Variants in TENM3 observed in about 807,000 individuals in gnomAD.
TENM3 encodes the protein teneurin transmembrane protein 3, also known as teneurin-3.
A neutral mutation model predicts 255.1 loss-of-function variants in TENM3; 63 were observed. That is an observed-to-expected ratio of 0.25 (90% CI 0.20 to 0.30). The LOEUF is 0.30. Among genes scored for constraint, TENM3 ranks in the 10% least tolerant of loss-of-function variants. TENM3 has a pLI of 1.00. For missense variants in TENM3, 2,929 were observed against 3,461.1 expected, an observed-to-expected ratio of 0.85 and a Z score of 3.86; for synonymous variants, 1,306 against 1,322.3, an observed-to-expected ratio of 0.99 and a Z score of 0.27.
chr4:181,684,354 C>T, the TENM3 span, among the ~76,000 whole-genome samples: 7 of 152,206 alleles, frequency 4.6e-5, no homozygotes, highest in Non-Finnish European at 2.9e-5. Context: ...CTTTCTGCTG[C>T]CTTCCTACTA....
At chr4:181,782,014 G>A in the TENM3 span, among the ~76,000 whole-genome samples, 6 of 152,064 alleles carry the variant, frequency 3.9e-5, no homozygotes, top group South Asian at 4.2e-4. Flanking sequence ...TGCTGGATTC[G>A]GTTTGCCAGT....
intron 26 of TENM3, among the ~76,000 whole-genome samples, chr4:182,796,018 C>T (rs1766474212): frequency 6.6e-6 from 1 of 152,204 alleles, no homozygotes; most frequent in Non-Finnish European, 1.5e-5. Flanking sequence ...CGGGTTCTCT[C>T]CCCAAAAAGT....
chr4:181,884,440 C>T, the TENM3 span, among the ~76,000 whole-genome samples: 1 of 151,936 alleles, frequency 6.6e-6, no homozygotes, highest in East Asian at 1.9e-4. Flanking sequence ...GAAACTGTAC[C>T]CATTAAACAC....
rs921233791 is a variant in TENM3, at chr4:182,743,202, T to C, written c.3412T>C (p.Phe1138Leu). The C allele has an allele frequency of 1.2e-6, 2 of 1,613,648 alleles. No individual in the cohort carries two copies. Among genetic ancestry groups the C allele is most frequent in the Non-Finnish European group, 1.7e-6 (2 of 1,179,584 alleles). Residue 1138 changes from phenylalanine (F) to leucine (L), a missense_variant, in exon 19 of 28, where the codon TTC (phenylalanine) becomes CTC (leucine). Physicochemically the swap from Phe to Leu is conservative, Grantham distance 22 (BLOSUM62 0). This residue lies in a region of TENM3 where 1,608 missense variants were observed against 1,884.4 expected (regional missense o/e 0.85). Transcript: ENST00000511685. ...ILYKGNGENQ[F>L]ISQQPPVVSS... Reference sequence around the variant, plus strand: ...GTACAAGGGAAACGGGGAAAACCAGTTCATCTCCCAGCAGCCTCCAGTCGT... The same window carrying C: ...GTACAAGGGAAACGGGGAAAACCAGCTCATCTCCCAGCAGCCTCCAGTCGT...
intron 1 of TENM3, among the ~76,000 whole-genome samples, chr4:182,176,729 G>A (rs1752510590): frequency 1.3e-5 from 2 of 151,134 alleles, no homozygotes; most frequent in Admixed American, 6.6e-5. Flanking sequence ...GTGCAGTGGC[G>A]TGATCTCGGC....
intron 4 of TENM3, among the ~76,000 whole-genome samples, chr4:182,621,781 AATT>A (rs1750274006): frequency 5.0e-5 from 3 of 59,520 alleles, no homozygotes; most frequent in African/African-American, 2.0e-4. Flanking sequence ...TATTATATAT[AATT>A]ATATATATAA....
intron 12 of TENM3, chr4:182,711,614 C>T (rs946081169): frequency 9.3e-6 from 9 of 971,722 alleles, no homozygotes; most frequent in Admixed American, 1.2e-4. Flanking sequence ...ACTGTATACT[C>T]GCTCTTTGTT....
chr4:181,920,680 G>T, the TENM3 span, among the ~76,000 whole-genome samples: 2 of 151,552 alleles, frequency 1.3e-5, no homozygotes, highest in Admixed American at 1.3e-4. Context: ...CCATTTTGTA[G>T]GTTGCCTGTT....
the TENM3 span, among the ~76,000 whole-genome samples, chr4:181,667,285 T>C: frequency 1.3e-5 from 2 of 152,142 alleles, no homozygotes; most frequent in Non-Finnish European, 2.9e-5. Context: ...CTTCTAATTC[T>C]GTCCCATCCT....
chr4:181,873,480 A>C, the TENM3 span, among the ~76,000 whole-genome samples: 1 of 152,046 alleles, frequency 6.6e-6, no homozygotes, highest in Non-Finnish European at 1.5e-5. Flanking sequence ...ATATTTTCTG[A>C]TTTCTCTTAT....
chr4:181,647,525 T>A, the TENM3 span, among the ~76,000 whole-genome samples: 1 of 152,196 alleles, frequency 6.6e-6, no homozygotes, highest in Admixed American at 6.5e-5. Flanking sequence ...ATCTGTTGTA[T>A]GCTTACACTT....
the TENM3 span, among the ~76,000 whole-genome samples, chr4:182,054,445 T>A: frequency 6.6e-6 from 1 of 152,148 alleles, no homozygotes; most frequent in Non-Finnish European, 1.5e-5. Context: ...GACGTACTGT[T>A]AGGGGAGAAA....
At chr4:181,994,792 G>A in the TENM3 span, among the ~76,000 whole-genome samples, 8 of 152,116 alleles carry the variant, frequency 5.3e-5, no homozygotes, top group South Asian at 8.3e-4. Flanking sequence ...TTTAGCTAAC[G>A]AAAAACAGAG....
At chr4:182,742,450 C>T (rs1206994798) in intron 18 of TENM3, among the ~76,000 whole-genome samples, 1 of 152,158 alleles carries the variant, frequency 6.6e-6, no homozygotes, top group African/African-American at 2.4e-5. Flanking sequence ...ATGCATTCTC[C>T]TATTGGATGA....
At chr4:181,698,029 A>G in the TENM3 span, among the ~76,000 whole-genome samples, 6 of 151,992 alleles carry the variant, frequency 3.9e-5, no homozygotes, top group African/African-American at 1.4e-4. Context: ...CCTGGCCACC[A>G]TAGTGAAACC....
chr4:181,914,421 T>C, the TENM3 span, among the ~76,000 whole-genome samples: 1 of 152,186 alleles, frequency 6.6e-6, no homozygotes, highest in African/African-American at 2.4e-5. Context: ...CATAGAACTT[T>C]TCAGGGGTTG....
At chr4:182,590,284 C>T (rs868611341) in intron 3 of TENM3, among the ~76,000 whole-genome samples, 3 of 151,886 alleles carry the variant, frequency 2.0e-5, no homozygotes, top group African/African-American at 7.3e-5. Context: ...AGGGTCCAGG[C>T]GTTATCTAGG....
At chr4:182,458,162 T>C (rs1333649201) in intron 3 of TENM3, among the ~76,000 whole-genome samples, 1 of 152,250 alleles carries the variant, frequency 6.6e-6, no homozygotes, top group Non-Finnish European at 1.5e-5. Flanking sequence ...TCATCTATGG[T>C]ATAGCTAATG....
At chr4:181,640,127 A>G in the TENM3 span, among the ~76,000 whole-genome samples, 3 of 152,312 alleles carry the variant, frequency 2.0e-5, no homozygotes, top group South Asian at 6.2e-4. Flanking sequence ...AAGAAGATGA[A>G]GGGGCTTTAG....
Sources: allele counts gnomAD v4.1 joint callset (sites outside exome capture counted in the v4.1 genomes callset), GRCh38; gene constraint gnomAD v4.1.1; regional missense constraint gnomAD v4.1.1; transcripts MANE v1.5; gene names NCBI Gene and HGNC (gene_info 2026-07-23, HGNC 2026-07-21).